SCG3: variants seen among roughly 807,000 people sequenced by gnomAD.
SCG3 encodes secretogranin-3.
SCG3 carries 38 observed loss-of-function variants against 56.2 expected under a neutral mutation model. The ratio of observed to expected loss-of-function variants is 0.68; its 90% CI spans 0.52 to 0.89. The LOEUF is 0.89. Among genes scored for constraint, SCG3 ranks in the 40% least tolerant of loss-of-function variants. The pLI is 0.00. For missense variants in SCG3, 524 were observed against 540.7 expected (o/e 0.97, Z 0.31); for synonymous variants, 176 against 184.2 (o/e 0.96, Z 0.36).
rs1280158165 is a variant in SCG3, at chr15:51,715,073, ATT to A, written c.1288+1662_1288+1663del. 3 of 152,322 alleles carry A rather than the reference ATT, an allele frequency of 2.0e-5. No homozygotes were observed. The East Asian group carries it at 5.8e-4, about 29-fold the overall frequency. The allele number at this position is 152,322 out of a possible 1,614,324, so 9.4% of individuals were successfully genotyped here. On this transcript the variant is annotated intron_variant, in intron 11 of 11. Transcript: ENST00000220478. Reference sequence around the variant, plus strand: ...ATTGTATGGTACATCAATTTGGAGTATTTGTTACTGTTTTCACTGATTAGCAT... The same window carrying A: ...ATTGTATGGTACATCAATTTGGAGTATGTTACTGTTTTCACTGATTAGCAT...
intron 7 of SCG3, 174 bp from the exon 8 acceptor site, chr15:51,695,701 G>T: frequency 1.8e-6 from 1 of 557,330 alleles, no homozygotes; most frequent in Non-Finnish European, 3.1e-6. Context: ...AGTGAGCCAT[G>T]ATCAGACCGG....
intron 5 of SCG3, 151 bp from the exon 6 acceptor site, chr15:51,689,068 G>A: frequency 1.3e-6 from 1 of 781,046 alleles, no homozygotes; most frequent in Non-Finnish European, 2.1e-6. Context: ...CAGCCAGCAT[G>A]TGGTGCAGGC....
chr15:51,707,073 T>C (rs2055380864), intron 10 of SCG3, among the ~76,000 whole-genome samples: 1 of 152,226 alleles, frequency 6.6e-6, no homozygotes. Context: ...CTTTTTGCCA[T>C]TTGGATGTTT....
intron 8 of SCG3, among the ~76,000 whole-genome samples, chr15:51,698,620 A>G (rs1470264305): frequency 6.6e-6 from 1 of 152,240 alleles, no homozygotes; most frequent in African/African-American, 2.4e-5. Flanking sequence ...GGGATGGGAT[A>G]GTCTGGCTTT....
Position 51,701,250 on chromosome 15 carries a change from G to A in SCG3, c.1207+6G>A, listed in dbSNP as rs370309245. ...AAAGACAGATGAACCCAAAGGTATG[G>A]GATTGACAGCTCTAGGTTAGCAATG... On this transcript the variant is annotated splice_donor_region_variant and intron_variant, in intron 10 of 11. Transcript: ENST00000220478. The A allele has an allele frequency of 3.2e-6, 5 of 1,579,398 alleles. No homozygotes were observed. Among genetic ancestry groups the A allele is most frequent in the African/African-American group, 1.4e-5 (1 of 73,130 alleles).
chr15:51,685,092 C>T (rs1356681027), intron 4 of SCG3, among the ~76,000 whole-genome samples: 3 of 152,162 alleles, frequency 2.0e-5, no homozygotes, highest in Non-Finnish European at 2.9e-5. Context: ...GACATAATAA[C>T]CTAGGAGTGT....
At chr15:51,717,367 CAA>C (rs142033310) in intron 11 of SCG3, among the ~76,000 whole-genome samples, 11 of 125,624 alleles carry the variant, frequency 8.8e-5, no homozygotes, top group Non-Finnish European at 8.5e-5. Context: ...GACTCCGTCT[CAA>C]AAAAAAAAAA....
intron 4 of SCG3, among the ~76,000 whole-genome samples, chr15:51,683,768 C>A (rs1250762745): frequency 2.0e-5 from 3 of 152,112 alleles, no homozygotes; most frequent in African/African-American, 4.8e-5. Context: ...ATAATTAGAT[C>A]AGTAAAGTAC....
rs1247366242 is a variant in SCG3 at position 51,695,970 on chromosome 15, G to A, written c.964G>A (p.Glu322Lys). ...MMVKYGTISP[E>K]EGVSYLENLD... ...GGTGAAATATGGAACAATATCTCCA[G>A]AAGAAGGTGTTTCCTACCTTGGTGA... is the stretch of plus-strand genomic sequence containing the variant. The change falls in exon 8 of 12, where the codon GAA becomes AAA. Residue 322 changes from glutamate to lysine, a missense_variant. By Grantham distance (56) the Glu-to-Lys change is moderately conservative. Transcript: ENST00000220478. 6.3e-7 allele frequency: 1 copy of A among 1,596,110 alleles called. No individual in the cohort carries two copies. Among genetic ancestry groups the A allele is most frequent in the East Asian group, 2.2e-5 (1 of 44,786 alleles).
Position 51,685,889 on chromosome 15 carries a change from A to G in SCG3, c.398-2371A>G, listed in dbSNP as rs559601040. ...TTCGAATATTTATTGAGCAATTGCT[A>G]TGTATTGGACTATGAGGTAGACAAT... On this transcript the variant is annotated intron_variant, in intron 4 of 11. Transcript: ENST00000220478. Among the ~76,000 whole-genome samples the G allele has an allele frequency of 3.9e-5, 6 of 152,366 alleles. No individual in the cohort carries two copies. In the East Asian group the frequency reaches 9.6e-4, roughly 24 times the overall value.
intron 11 of SCG3, among the ~76,000 whole-genome samples, chr15:51,714,325 C>T (rs1448188507): frequency 6.6e-6 from 1 of 152,022 alleles, no homozygotes; most frequent in Non-Finnish European, 1.5e-5. Context: ...AGCAGTGTGA[C>T]TACAGATTGA....
At position 51,701,229 on chromosome 15, in the gene SCG3, A is replaced by T; in HGVS notation, c.1192A>T (p.Thr398Ser). 1 of 1,601,348 alleles carries T rather than the reference A, an allele frequency of 6.2e-7. No homozygotes were observed. The highest frequency in any genetic ancestry group is 8.5e-7 in the Non-Finnish European group (1 of 1,175,454). The change falls in exon 10 of 12, where the codon ACA becomes TCA. Residue 398 changes from threonine to serine, a missense_variant. Coordinates refer to ENST00000220478, the MANE Select transcript of SCG3 (RefSeq NM_013243.4). ...KDDNSNPGGK[T>S]DEPKGKTEAY... ...TGATAACTCCAACCCAGGAGGAAAG[A>T]CAGATGAACCCAAAGGTATGGGATT...
chr15:51,709,624 C>T, intron 10 of SCG3, among the ~76,000 whole-genome samples: 1 of 73,852 alleles, frequency 1.4e-5, no homozygotes, highest in South Asian at 6.1e-4. Flanking sequence ...ATAAATCATT[C>T]ATTTTCACTA....
chr15:51,697,190 A>G (rs2055309372), intron 8 of SCG3, among the ~76,000 whole-genome samples: 1 of 142,644 alleles, frequency 7.0e-6, no homozygotes. Flanking sequence ...TTTCTCTTAT[A>G]TAACAAAAAA....
At chr15:51,691,877 T>C (rs1488299458) in intron 6 of SCG3, among the ~76,000 whole-genome samples, 1 of 150,852 alleles carries the variant, frequency 6.6e-6, no homozygotes, top group Non-Finnish European at 1.5e-5. Flanking sequence ...GAGGTAAACA[T>C]GGCCAGAGAA....
chr15:51,714,854 G>C (rs1386912138), intron 11 of SCG3, among the ~76,000 whole-genome samples: 4 of 152,172 alleles, frequency 2.6e-5, no homozygotes, highest in Non-Finnish European at 1.5e-5. Context: ...TGAATTTCCA[G>C]GCTGTCAGTT....
intron 2 of SCG3, 100 bp downstream of exon 2, chr15:51,682,669 A>G: frequency 1.4e-6 from 1 of 723,574 alleles, no homozygotes; most frequent in Non-Finnish European, 2.2e-6. Flanking sequence ...TGAATTTACA[A>G]ACATCAGGAA....
rs904671927 is a variant in SCG3 at position 51,713,626 on chromosome 15, T to G, written c.1288+213T>G. On this transcript the variant is annotated intron_variant, in intron 11 of 11. Transcript: ENST00000220478. Reference sequence around the variant, plus strand: ...TCAAGCAAAGGCGTTTTCTTTTCTTTTACGTTTTATTAGGAAAAATGTCAA... The same window carrying G: ...TCAAGCAAAGGCGTTTTCTTTTCTTGTACGTTTTATTAGGAAAAATGTCAA... Among the ~76,000 whole-genome samples, 109 of 152,230 alleles carry G rather than the reference T, an allele frequency of 7.2e-4. 1 individual carries two copies. Among genetic ancestry groups the G allele is most frequent in the African/African-American group, 2.5e-3 (104 of 41,462 alleles).
chr15:51,707,170 C>T (rs2055381585), intron 10 of SCG3, among the ~76,000 whole-genome samples: 1 of 152,052 alleles, frequency 6.6e-6, no homozygotes, highest in South Asian at 2.1e-4. Flanking sequence ...CACCCATAAA[C>T]TCATTCCAGT....
Sources: allele counts gnomAD v4.1 joint callset (sites outside exome capture counted in the v4.1 genomes callset), GRCh38; gene constraint gnomAD v4.1.1; transcripts MANE v1.5; gene names NCBI Gene and HGNC (gene_info 2026-07-23, HGNC 2026-07-21).